Variants in STK4 observed in about 807,000 individuals in gnomAD.
STK4 encodes the protein serine/threonine-protein kinase 4.
A neutral mutation model predicts 64.9 loss-of-function variants in STK4; 30 were observed. The observed-to-expected ratio is 0.46, with a 90% CI of 0.35 to 0.63. The LOEUF is 0.63. Among genes scored for constraint, STK4 ranks in the 20% least tolerant of loss-of-function variants. STK4 has a pLI of 0.01. For missense variants in STK4, 466 were observed against 598.5 expected (o/e 0.78, Z 2.31); for synonymous variants, 177 against 199.0 (o/e 0.89, Z 0.93).
intron 4 of STK4, among the ~76,000 whole-genome samples, chr20:44,985,388 C>G (rs543043396): frequency 1.3e-5 from 2 of 152,292 alleles, no homozygotes; most frequent in Non-Finnish European, 2.9e-5. Flanking sequence ...GGCTGTGTCA[C>G]TCAGGCTGGA....
At chr20:44,967,677 G>A (rs2067175030) in intron 1 of STK4, among the ~76,000 whole-genome samples, 1 of 144,272 alleles carries the variant, frequency 6.9e-6, no homozygotes, top group Non-Finnish European at 1.6e-5. Context: ...GTGTGGAAGT[G>A]CAGGGCAACC....
intron 5 of STK4, among the ~76,000 whole-genome samples, chr20:44,990,911 G>A (rs551383610): frequency 1.3e-4 from 20 of 152,252 alleles, no homozygotes; most frequent in Middle Eastern, 6.8e-3. Context: ...GGAGGGGTTG[G>A]TGTTAAAATC....
chr20:44,971,923 G>C (rs556003377), intron 1 of STK4, among the ~76,000 whole-genome samples, 155 bp from the exon 2 acceptor site: 3 of 151,764 alleles, frequency 2.0e-5, no homozygotes, highest in East Asian at 3.9e-4. Flanking sequence ...TGCCTGTATC[G>C]GCCTCCCAAG....
intron 10 of STK4, among the ~76,000 whole-genome samples, chr20:45,070,640 C>T (rs1979976830): frequency 6.6e-6 from 1 of 152,140 alleles, no homozygotes; most frequent in African/African-American, 2.4e-5. Flanking sequence ...AATCCCAGCA[C>T]TTTGGGAGGC....
chr20:44,985,184 T>G (rs6130721), intron 4 of STK4, among the ~76,000 whole-genome samples: 18,886 of 152,144 alleles, frequency 0.12, 1,534 homozygotes, highest in East Asian at 0.22. Context: ...TCTCTCTGAC[T>G]TTTGGCATAA....
intron 9 of STK4, 24 bp from the exon 10 acceptor site, chr20:45,024,949 T>G: frequency 2.0e-6 from 3 of 1,534,642 alleles, no homozygotes; most frequent in Non-Finnish European, 2.6e-6. Flanking sequence ...TTTCTTTTCA[T>G]TTTTCATTTT....
chr20:44,990,947 A>G (rs968083960), intron 5 of STK4, among the ~76,000 whole-genome samples: 2 of 152,136 alleles, frequency 1.3e-5, no homozygotes, highest in Admixed American at 6.5e-5. Context: ...TTTCCTGGCG[A>G]CTGACTGAGG....
intron 9 of STK4, chr20:45,007,764 T>C (rs2067974424): frequency 2.4e-6 from 1 of 419,512 alleles, no homozygotes; most frequent in Non-Finnish European, 4.7e-6. Flanking sequence ...TTTATTTATT[T>C]AAAAAATTTC....
intron 5 of STK4, among the ~76,000 whole-genome samples, chr20:44,994,202 C>T (rs1601223444): frequency 1.3e-5 from 2 of 150,752 alleles, no homozygotes; most frequent in African/African-American, 4.9e-5. Context: ...CTCATATAAA[C>T]CTTCAGAATG....
In STK4 at chr20:45,063,968, C is replaced by T. The variant is rs567068050; in HGVS notation, c.1306-11050C>T. ...GAATACAGGCGCCCGCCACTATGCC[C>T]GGCTAATTTTTTGTATGTTTTAGGA... On this transcript the variant is annotated intron_variant, in intron 10 of 10. Coordinates refer to ENST00000372806, the MANE Select transcript of STK4 (RefSeq NM_006282.5). Among the ~76,000 whole-genome samples the T allele has an allele frequency of 3.9e-4, 59 of 152,192 alleles. No homozygotes were observed. The South Asian group carries it at 4.1e-3, about 11-fold the overall frequency.
At chr20:44,999,909 A>G (rs1233451804) in intron 7 of STK4, among the ~76,000 whole-genome samples, 1 of 152,196 alleles carries the variant, frequency 6.6e-6, no homozygotes, top group African/African-American at 2.4e-5. Context: ...GCCTTTTTGC[A>G]TATCTCTTGA....
Position 45,059,091 on chromosome 20 carries a change from A to G in STK4, c.1306-15927A>G, listed in dbSNP as rs111689105. Among the ~76,000 whole-genome samples the G allele has an allele frequency of 3.6e-3, 545 of 152,314 alleles. 3 individuals carry two copies. The highest frequency in any genetic ancestry group is 0.013 in the African/African-American group (526 of 41,566). ...GTAGATAGTACTGAACCCCATTGCCATCAGTCAGAACGTTTCTGTTCATGT... is the reference window on the plus strand; with the variant it reads ...GTAGATAGTACTGAACCCCATTGCCGTCAGTCAGAACGTTTCTGTTCATGT... On this transcript the variant is annotated intron_variant, in intron 10 of 10. Transcript: ENST00000372806.
chr20:45,036,896 C>A (rs2068537110), intron 10 of STK4, among the ~76,000 whole-genome samples: 1 of 152,100 alleles, frequency 6.6e-6, no homozygotes, highest in Non-Finnish European at 1.5e-5. Context: ...GGAGGGACTA[C>A]TGTATTTCAA....
chr20:45,004,878 C>T (rs532976088), intron 9 of STK4, among the ~76,000 whole-genome samples: 1 of 151,690 alleles, frequency 6.6e-6, no homozygotes, highest in East Asian at 1.9e-4. Flanking sequence ...AAGCGATTCT[C>T]CTGCCCCAGC....
At chr20:45,040,634 T>C (rs1294374536) in intron 10 of STK4, among the ~76,000 whole-genome samples, 3 of 80,136 alleles carry the variant, frequency 3.7e-5, no homozygotes, top group South Asian at 4.1e-4. Flanking sequence ...GAAACAGACC[T>C]TTTTTTTTTT....
Position 45,078,003 on chromosome 20 carries a change from C to T in STK4, c.*2827C>T, listed in dbSNP as rs537500971. ...GTGACAGAAAGGCAAAGGAACAAGT[C>T]CTAGTTGTTGTTGTTGTTGTTGAAT... On this transcript the variant is annotated 3_prime_UTR_variant, in exon 11 of 11. Coordinates refer to ENST00000372806, the MANE Select transcript of STK4 (RefSeq NM_006282.5). 1 of 152,164 alleles carries T rather than the reference C, an allele frequency of 6.6e-6. No individual in the cohort carries two copies. The highest frequency in any genetic ancestry group is 2.1e-4 in the South Asian group (1 of 4,816). The allele number at this position is 152,164 out of a possible 1,614,324, so 9.4% of individuals were successfully genotyped here.
intron 10 of STK4, among the ~76,000 whole-genome samples, chr20:45,042,200 GAC>G (rs2068624159): frequency 7.1e-6 from 1 of 141,704 alleles, no homozygotes; most frequent in Non-Finnish European, 1.6e-5. Flanking sequence ...CATTCACTTA[GAC>G]ACATATTTTT....
At position 45,016,593 on chromosome 20, in the gene STK4, G is replaced by A. The variant is rs1601277568; in HGVS notation, c.1148-8380G>A. On this transcript the variant is annotated intron_variant, in intron 9 of 10. Coordinates refer to ENST00000372806, the MANE Select transcript of STK4 (RefSeq NM_006282.5). The stretch of plus-strand genomic sequence containing the variant: ...TTAGCATTCTTGATTCTTTTGGAAT[G>A]AGCCAAAAAGCACAGAACTCCTGAT... Among the ~76,000 whole-genome samples, 3 of 152,260 alleles carry A rather than the reference G, an allele frequency of 2.0e-5. 1 individual carries two copies. Among genetic ancestry groups the A allele is most frequent in the Admixed American group, 2.0e-4 (3 of 15,296 alleles).
chr20:44,998,562 G>T (rs1747831355), intron 7 of STK4, among the ~76,000 whole-genome samples: 1 of 151,996 alleles, frequency 6.6e-6, no homozygotes, highest in African/African-American at 2.4e-5. Context: ...TACTTTTCTG[G>T]AATGAAACTC....
Sources: gnomAD v4.1 joint callset for allele counts (sites outside exome capture counted in the v4.1 genomes callset) on GRCh38, gnomAD v4.1.1 for gene constraint, MANE v1.5 for transcripts, NCBI Gene and HGNC (gene_info 2026-07-23, HGNC 2026-07-21) for gene names.